The following RBM27 variants were observed in gnomAD, a reference collection of about 807,000 sequenced individuals.
The protein encoded by RBM27 is RNA binding motif protein 27, also known as RNA-binding protein 27.
RBM27 carries 22 observed loss-of-function variants against 135.3 expected under a neutral mutation model. The ratio of observed to expected loss-of-function variants is 0.16; its 90% CI spans 0.12 to 0.23. RBM27 has a LOEUF of 0.23. RBM27 is among the 10% of genes least tolerant of loss of function. The pLI, the probability that RBM27 is intolerant of heterozygous loss-of-function variation, is 1.00. For synonymous variants in RBM27, 481 were observed against 442.4 expected (o/e 1.09, Z -1.10); for missense variants, 1,009 against 1,281.0 (o/e 0.79, Z 3.24).
chr5:146,287,380 A>T lies in RBM27; in HGVS notation c.*1350A>T, dbSNP rs1759626258. ...TTCGTGTTCTGAATGTTAGATGGAA[A>T]AGCAGAGGAGCAACACTACACTGTA... is the stretch of plus-strand genomic sequence containing the variant. On this transcript the variant is annotated 3_prime_UTR_variant, in exon 21 of 21. Coordinates refer to ENST00000265271, the MANE Select transcript of RBM27 (RefSeq NM_018989.2). 6.6e-6 allele frequency: 1 copy of T among 152,186 alleles called. No homozygotes were observed. The allele number at this position is 152,186 out of a possible 1,614,324, so 9.4% of individuals were successfully genotyped here.
At position 146,229,718 on chromosome 5, in the gene RBM27, A is replaced by C; in HGVS notation, c.397A>C (p.Thr133Pro). 1 of 1,594,388 alleles carries C rather than the reference A, an allele frequency of 6.3e-7. No individual in the cohort carries two copies. Among genetic ancestry groups the C allele is most frequent in the Non-Finnish European group, 8.6e-7 (1 of 1,163,630 alleles). ...GGCTTTTATATCTGTATATTATAGG[A>C]CACGTGAGAAAAAAAGAGAAGACGG... ...KTRSESSERR[T>P]REKKREDGKW... Residue 133 changes from threonine to proline, a missense_variant and splice_region_variant, in exon 5 of 21, where the codon ACA (threonine) becomes CCA (proline). Around this residue, in one of 6 missense-constraint regions of RBM27, gnomAD observed 268 missense variants for 326.6 expected, o/e 0.82. Coordinates refer to ENST00000265271, the MANE Select transcript of RBM27 (RefSeq NM_018989.2).
At chr5:146,269,122 C>A in intron 15 of RBM27, 85 bp from the exon 16 acceptor site, 1 of 843,690 alleles carries the variant, frequency 1.2e-6, no homozygotes, top group Non-Finnish European at 1.9e-6. Flanking sequence ...GGAGGACAGT[C>A]TGTCTCAGGG....
intron 20 of RBM27, 84 bp from the exon 21 acceptor site, chr5:146,285,863 C>A: frequency 1.0e-6 from 1 of 973,080 alleles, no homozygotes; most frequent in Non-Finnish European, 1.6e-6. Flanking sequence ...GCTTTGTATA[C>A]TAGCCTGTTT....
At chr5:146,262,281 G>C (rs1758431897) in intron 13 of RBM27, among the ~76,000 whole-genome samples, 1 of 129,918 alleles carries the variant, frequency 7.7e-6, no homozygotes, top group Non-Finnish European at 1.6e-5. Flanking sequence ...TTTAACTGTA[G>C]AGCTATTTAT....
intron 3 of RBM27, among the ~76,000 whole-genome samples, chr5:146,225,388 A>G (rs1197165643): frequency 6.6e-6 from 1 of 152,214 alleles, no homozygotes; most frequent in Non-Finnish European, 1.5e-5. Context: ...ACCTGATCCA[A>G]CATTAAAAGA....
intron 7 of RBM27, among the ~76,000 whole-genome samples, chr5:146,236,929 CCTT>C (rs1757186131): frequency 2.0e-5 from 2 of 101,864 alleles, no homozygotes; most frequent in East Asian, 6.7e-4. Context: ...CTATGATGGT[CCTT>C]TTTTTTTTTT....
chr5:146,275,488 A>C (rs563048427), intron 19 of RBM27, among the ~76,000 whole-genome samples: 26 of 152,090 alleles, frequency 1.7e-4, no homozygotes, highest in African/African-American at 6.3e-4. Flanking sequence ...GCCTGGTCTC[A>C]AACTCCTGAC....
Position 146,230,732 on chromosome 5 carries a change from C to T in RBM27, c.665C>T (p.Pro222Leu), listed in dbSNP as rs1233407861. ...ESSYVPVSAP[P>L]PNSSEQYSSG... is the part of the protein sequence containing the mutation. ...TCCTATGTGCCTGTGTCTGCACCAC[C>T]TCCAAACTCTTCTGAGCAGTATTCC... Residue 222 changes from proline to leucine, a missense_variant, in exon 6 of 21, where the codon CCT (proline) becomes CTT (leucine). Coordinates refer to ENST00000265271, the MANE Select transcript of RBM27 (RefSeq NM_018989.2). 4 of 1,613,730 alleles carry T rather than the reference C, an allele frequency of 2.5e-6. No individual in the cohort carries two copies. The highest frequency in any genetic ancestry group is 3.4e-6 in the Non-Finnish European group (4 of 1,179,736).
rs1469891706 is a variant in RBM27 at position 146,251,798 on chromosome 5, T to C, written c.1367T>C (p.Leu456Ser). The change falls in exon 9 of 21, where the codon TTG becomes TCG. Residue 456 changes from leucine to serine, a missense_variant. Physicochemically the swap from Leu to Ser is moderately radical, Grantham distance 145 (BLOSUM62 -2). This residue lies in a region of RBM27 where 329 missense variants were observed against 368.1 expected (regional missense o/e 0.89). Coordinates refer to ENST00000265271, the MANE Select transcript of RBM27 (RefSeq NM_018989.2). The part of the protein sequence containing the change: ...GTPPPLLAAR[L>S]VPPRNLMGSS... ...CCGCCTCCTCTGTTGGCAGCTCGTTTGGTGCCACCTCGAAACCTCATGGGA... is the reference window on the plus strand; with the variant it reads ...CCGCCTCCTCTGTTGGCAGCTCGTTCGGTGCCACCTCGAAACCTCATGGGA... 2 of 1,614,012 alleles carry C rather than the reference T, an allele frequency of 1.2e-6. No individual in the cohort carries two copies. Among genetic ancestry groups the C allele is most frequent in the Non-Finnish European group, 1.7e-6 (2 of 1,179,882 alleles).
chr5:146,269,072 T>A (rs1218775497), intron 15 of RBM27, 135 bp from the exon 16 acceptor site: 16 of 542,872 alleles, frequency 2.9e-5, no homozygotes, highest in Non-Finnish European at 4.9e-5. Flanking sequence ...GGAAAATATA[T>A]TCAAAGGTTT....
At chr5:146,285,379 A>G (rs1274498435) in intron 20 of RBM27, among the ~76,000 whole-genome samples, 3 of 152,166 alleles carry the variant, frequency 2.0e-5, no homozygotes, top group African/African-American at 4.8e-5. Context: ...TCTTCTCACT[A>G]TATAGGTAAT....
At chr5:146,246,786 T>A (rs946628975) in intron 8 of RBM27, among the ~76,000 whole-genome samples, 2 of 152,128 alleles carry the variant, frequency 1.3e-5, no homozygotes, top group African/African-American at 2.4e-5. Flanking sequence ...TACTTATTTC[T>A]GGCTTCAACA....
At chr5:146,230,068 C>T (rs576888536) in intron 5 of RBM27, among the ~76,000 whole-genome samples, 158 bp downstream of exon 5, 16 of 152,258 alleles carry the variant, frequency 1.1e-4, no homozygotes, top group South Asian at 4.1e-4. Context: ...TGTTAGAAAA[C>T]AGGGCTCTAT....
At chr5:146,225,987 T>G (rs1334924285) in intron 3 of RBM27, among the ~76,000 whole-genome samples, 2 of 149,892 alleles carry the variant, frequency 1.3e-5, no homozygotes, top group Non-Finnish European at 2.9e-5. Context: ...TTCAGCCTCC[T>G]GGGTAGCTGG....
intron 10 of RBM27, among the ~76,000 whole-genome samples, chr5:146,256,814 T>A (rs1758125929): frequency 6.6e-6 from 1 of 152,168 alleles, no homozygotes; most frequent in Non-Finnish European, 1.5e-5. Context: ...TACAACAAGA[T>A]TTCTTTGTTG....
chr5:146,280,933 C>T (rs527814274), intron 19 of RBM27, among the ~76,000 whole-genome samples: 49 of 152,116 alleles, frequency 3.2e-4, no homozygotes, highest in Non-Finnish European at 5.9e-4. Flanking sequence ...TCTTGGCTCA[C>T]TGCAGCCTTC....
intron 8 of RBM27, among the ~76,000 whole-genome samples, chr5:146,250,614 C>T (rs1757841527): frequency 6.6e-6 from 1 of 151,892 alleles, no homozygotes; most frequent in Non-Finnish European, 1.5e-5. Flanking sequence ...TTTTCTAATC[C>T]TGTCCTTCAG....
At chr5:146,259,445 A>T (rs1758269914) in intron 11 of RBM27, among the ~76,000 whole-genome samples, 1 of 143,548 alleles carries the variant, frequency 7.0e-6, no homozygotes, top group Admixed American at 7.2e-5. Flanking sequence ...CGGAGGTTGC[A>T]GTGAGTTGAG....
intron 8 of RBM27, among the ~76,000 whole-genome samples, chr5:146,245,713 C>T (rs1009327132): frequency 1.3e-5 from 2 of 151,998 alleles, no homozygotes; most frequent in Admixed American, 1.3e-4. Flanking sequence ...CCCCGGGTCA[C>T]GGTGGCACTA....
Sources: allele counts gnomAD v4.1 joint callset (sites outside exome capture counted in the v4.1 genomes callset), GRCh38; gene constraint gnomAD v4.1.1; regional missense constraint gnomAD v4.1.1; transcripts MANE v1.5; gene names NCBI Gene and HGNC (gene_info 2026-07-23, HGNC 2026-07-21).